NDUFA12: variants seen among roughly 807,000 people sequenced by gnomAD.
NDUFA12 encodes the protein NADH dehydrogenase [ubiquinone] 1 alpha subcomplex subunit 12.
NDUFA12 carries 17 observed loss-of-function variants against 20.3 expected under a neutral mutation model. The ratio of observed to expected loss-of-function variants is 0.84; its 90% CI spans 0.57 to 1.26. The LOEUF (loss-of-function observed/expected upper bound fraction) is 1.26. Ranked by LOEUF, NDUFA12 falls within the 50% of genes most tolerant of loss-of-function variation. The pLI is 0.00. For missense variants in NDUFA12, 191 were observed against 183.7 expected (o/e 1.04, Z -0.23); for synonymous variants, 72 against 63.6 (o/e 1.13, Z -0.63).
At chr12:94,975,371 AT>A (rs1315933618) in intron 3 of NDUFA12, among the ~76,000 whole-genome samples, 1 of 152,246 alleles carries the variant, frequency 6.6e-6, no homozygotes, top group Non-Finnish European at 1.5e-5. Flanking sequence ...ATGAAGTTTA[AT>A]CAAGGCAATG....
At chr12:95,002,437 C>CAAAAAAAAAAAAAAAAAA (rs71075895) in intron 2 of NDUFA12, among the ~76,000 whole-genome samples, 1 of 63,622 alleles carries the variant, frequency 1.6e-5, no homozygotes, top group African/African-American at 6.9e-5. Context: ...GACTCCATCT[C>CAAAAAAAAAAAAAAAAAA]AAAAAAAAAA....
At chr12:94,974,500 C>A (rs953273281) in intron 3 of NDUFA12, among the ~76,000 whole-genome samples, 1 of 152,130 alleles carries the variant, frequency 6.6e-6, no homozygotes, top group Non-Finnish European at 1.5e-5. Flanking sequence ...CTGGGTATAA[C>A]CTAAATGAAA....
chr12:94,992,423 G>A (rs1874674233), intron 3 of NDUFA12, among the ~76,000 whole-genome samples: 1 of 152,022 alleles, frequency 6.6e-6, no homozygotes, highest in Non-Finnish European at 1.5e-5. Context: ...TTCACCTTTC[G>A]CTTCACCCAG....
chr12:94,971,481 T>G lies in NDUFA12; in HGVS notation c.397A>C (p.Lys133Gln). 1 of 1,613,920 alleles carries G rather than the reference T, an allele frequency of 6.2e-7. No individual in the cohort carries two copies. The highest frequency in any genetic ancestry group is 8.5e-7 in the Non-Finnish European group (1 of 1,179,760). Reference sequence around the variant, plus strand: ...GAAGGTGGGATCCACTCCTGAATCTTCTTTCTAGTGGTAGAATAAGGTACA... The same window carrying G: ...GAAGGTGGGATCCACTCCTGAATCTGCTTTCTAGTGGTAGAATAAGGTACA... ...QYVPYSTTRK[K>Q]IQEWIPPSTP... Residue 133 changes from lysine (K) to glutamine (Q), a missense_variant, in exon 4 of 4, where the codon AAG (lysine) becomes CAG (glutamine). By Grantham distance (53) the Lys-to-Gln change is moderately conservative. Coordinates refer to ENST00000327772, the MANE Select transcript of NDUFA12 (RefSeq NM_018838.5).
intron 3 of NDUFA12, among the ~76,000 whole-genome samples, chr12:94,975,573 A>T (rs920186961): frequency 6.6e-6 from 1 of 152,054 alleles, no homozygotes; most frequent in African/African-American, 2.4e-5. Flanking sequence ...AAACATGTAT[A>T]CTCCTGGTGG....
chr12:94,982,337 G>T (rs1181844676), intron 3 of NDUFA12, among the ~76,000 whole-genome samples: 3 of 146,264 alleles, frequency 2.1e-5, no homozygotes, highest in African/African-American at 7.6e-5. Context: ...GCAGTGGTGT[G>T]ATCTCGGCTC....
chr12:94,996,819 C>CAA (rs10654978), intron 2 of NDUFA12: 52,572 of 152,564 alleles, frequency 0.34, 8,753 homozygotes, highest in African/African-American at 0.39. Context: ...AACTCTGTCT[C>CAA]AAAAAAAAAA....
intron 3 of NDUFA12, chr12:94,971,842 A>G (rs1417318006): frequency 4.2e-6 from 3 of 718,234 alleles, no homozygotes; most frequent in Non-Finnish European, 7.6e-6. Flanking sequence ...CATAAAGCAC[A>G]TAGAAAAATT....
At chr12:94,974,604 CAACAGAT>C (rs1280721472) in intron 3 of NDUFA12, among the ~76,000 whole-genome samples, 9 of 152,196 alleles carry the variant, frequency 5.9e-5, no homozygotes, top group Non-Finnish European at 1.2e-4. Context: ...AAGTGTCTGT[CAACAGAT>C]GAATGAGTAA....
At chr12:94,994,386 G>A in intron 2 of NDUFA12, 129 bp from the exon 3 acceptor site, 1 of 692,116 alleles carries the variant, frequency 1.4e-6, no homozygotes, top group Non-Finnish European at 2.4e-6. Flanking sequence ...AGCTATTGGA[G>A]GAATAACACC....
intron 3 of NDUFA12, among the ~76,000 whole-genome samples, chr12:94,993,703 G>A (rs1181592240): frequency 2.0e-5 from 3 of 149,098 alleles, no homozygotes; most frequent in Admixed American, 6.8e-5. Context: ...GGGAGGCCGA[G>A]GTGGATGGAT....
intron 3 of NDUFA12, among the ~76,000 whole-genome samples, chr12:94,987,534 C>T (rs1227268834): frequency 6.6e-6 from 1 of 152,060 alleles, no homozygotes; most frequent in African/African-American, 2.4e-5. Context: ...GGTGTGGTGG[C>T]TCATGCCTGT....
chr12:94,978,524 C>T (rs1240871129), intron 3 of NDUFA12, among the ~76,000 whole-genome samples: 1 of 152,140 alleles, frequency 6.6e-6, no homozygotes, highest in South Asian at 2.1e-4. Flanking sequence ...TCTGCCTATG[C>T]ACTGGGGATT....
intron 3 of NDUFA12, among the ~76,000 whole-genome samples, chr12:94,982,624 G>C (rs1301097048): frequency 6.6e-6 from 1 of 152,120 alleles, no homozygotes; most frequent in Non-Finnish European, 1.5e-5. Context: ...AGGGAGATGA[G>C]AGCATCATGA....
intron 3 of NDUFA12, among the ~76,000 whole-genome samples, chr12:94,988,334 C>G (rs1874522270): frequency 6.6e-6 from 1 of 152,106 alleles, no homozygotes; most frequent in Non-Finnish European, 1.5e-5. Flanking sequence ...TTCTTGTTTG[C>G]AAGACGTACA....
At chr12:94,998,663 A>C (rs1182096837) in intron 2 of NDUFA12, among the ~76,000 whole-genome samples, 1 of 152,266 alleles carries the variant, frequency 6.6e-6, no homozygotes, top group African/African-American at 2.4e-5. Context: ...TATACAAATC[A>C]GTAGCACAGC....
rs532546178 is a variant in NDUFA12, at chr12:94,987,608, C to T, written c.257+6562G>A. 2.0e-5 allele frequency among the ~76,000 whole-genome samples: 3 copies of T among 152,024 alleles called. No individual in the cohort carries two copies. The South Asian group carries it at 6.2e-4, about 32-fold the overall frequency. Reference sequence around the variant, plus strand: ...TTGAGGCCAGGAGTTCAAGACCAGCCTGGCCAACATGATGAAACCCCGTCT... The same window carrying T: ...TTGAGGCCAGGAGTTCAAGACCAGCTTGGCCAACATGATGAAACCCCGTCT... On this transcript the variant is annotated intron_variant, in intron 3 of 3. Transcript: ENST00000327772.
intron 3 of NDUFA12, among the ~76,000 whole-genome samples, chr12:94,979,053 A>G (rs529220359): frequency 1.4e-4 from 21 of 152,332 alleles, no homozygotes; most frequent in African/African-American, 5.1e-4. Flanking sequence ...GGTGTGACCA[A>G]TAAACTACAA....
chr12:94,971,632 GA>G lies in NDUFA12; in HGVS notation c.258-13del. 6.2e-7 allele frequency: 1 copy of G among 1,613,948 alleles called. No individual in the cohort carries two copies. Among genetic ancestry groups the G allele is most frequent in the Non-Finnish European group, 8.5e-7 (1 of 1,180,000 alleles). ...GAAGCCAACGATGCCTTAAAGAGGG[GA>G]AAAAACCCAAACAGTTATGAAGAGG... On this transcript the variant is annotated splice_polypyrimidine_tract_variant and intron_variant, in intron 3 of 3. Transcript: ENST00000327772.
Sources: gnomAD v4.1 joint callset for allele counts (sites outside exome capture counted in the v4.1 genomes callset) on GRCh38, gnomAD v4.1.1 for gene constraint, MANE v1.5 for transcripts, NCBI Gene and HGNC (gene_info 2026-07-23, HGNC 2026-07-21) for gene names.